SMIM35: variants seen among roughly 807,000 people sequenced by gnomAD.
SMIM35 encodes the protein TMPRSS4 antisense RNA 1 (non-protein coding).
At chr11:118,037,228 C>T (rs1166022216) in intron 1 of SMIM35, among the ~76,000 whole-genome samples, 1 of 152,196 alleles carries the variant, frequency 6.6e-6, no homozygotes, top group Non-Finnish European at 1.5e-5. Context: ...CAGGAGGATG[C>T]CTTCGATGTC....
intron 1 of SMIM35, among the ~76,000 whole-genome samples, chr11:118,016,207 C>T (rs986846900): frequency 2.0e-5 from 3 of 152,108 alleles, no homozygotes; most frequent in African/African-American, 7.2e-5. Flanking sequence ...GACCCTCAGT[C>T]CCCCCACCCC....
intron 1 of SMIM35, among the ~76,000 whole-genome samples, chr11:118,052,347 C>CG (rs1329121176): frequency 6.6e-6 from 1 of 151,970 alleles, no homozygotes; most frequent in African/African-American, 2.4e-5. Context: ...TTGCTGCAAG[C>CG]GGGGAGCTGC....
chr11:118,031,459 T>C (rs924228263), intron 1 of SMIM35, among the ~76,000 whole-genome samples: 4 of 152,044 alleles, frequency 2.6e-5, no homozygotes, highest in East Asian at 1.9e-4. Context: ...TAAAATACAA[T>C]AGGAGCATGT....
At chr11:118,036,863 G>T (rs1290297769) in intron 1 of SMIM35, among the ~76,000 whole-genome samples, 2 of 152,222 alleles carry the variant, frequency 1.3e-5, no homozygotes, top group Non-Finnish European at 2.9e-5. Flanking sequence ...AGCCATTGCT[G>T]GCTCGAATGC....
chr11:118,012,276 C>T (rs1305987867), intron 4 of SMIM35, among the ~76,000 whole-genome samples: 1 of 152,196 alleles, frequency 6.6e-6, no homozygotes, highest in Non-Finnish European at 1.5e-5. Context: ...AACAAGTCTG[C>T]ACTAAGCACC....
At chr11:118,048,447 A>T (rs1003625194) in intron 1 of SMIM35, among the ~76,000 whole-genome samples, 1 of 151,994 alleles carries the variant, frequency 6.6e-6, no homozygotes, top group Non-Finnish European at 1.5e-5. Context: ...TGGGCAGTGG[A>T]AGTTGCAGCG....
At chr11:118,040,872 A>G (rs2135078599) in intron 1 of SMIM35, among the ~76,000 whole-genome samples, 1 of 152,216 alleles carries the variant, frequency 6.6e-6, no homozygotes, top group African/African-American at 2.4e-5. Context: ...TGTAGTTGAT[A>G]AACTAATAAT....
intron 1 of SMIM35, among the ~76,000 whole-genome samples, chr11:118,040,246 C>T (rs1201738863): frequency 6.6e-6 from 1 of 151,970 alleles, no homozygotes; most frequent in Non-Finnish European, 1.5e-5. Flanking sequence ...CCTCCACATC[C>T]AGAAGCTAAA....
intron 1 of SMIM35, among the ~76,000 whole-genome samples, chr11:118,074,568 G>A (rs1298891039): frequency 6.6e-6 from 1 of 151,920 alleles, no homozygotes; most frequent in Non-Finnish European, 1.5e-5. Flanking sequence ...TCAACATGGT[G>A]AAACCCTGTA....
chr11:118,050,181 G>T (rs1565391972), intron 1 of SMIM35, among the ~76,000 whole-genome samples: 1 of 152,246 alleles, frequency 6.6e-6, no homozygotes, highest in African/African-American at 2.4e-5. Flanking sequence ...GAAGAGGCTG[G>T]TGAGTGATGT....
rs543636214 is a variant in SMIM35, at chr11:118,053,776, A to G, written c.7+32975T>C. On this transcript the variant is annotated intron_variant, in intron 1 of 4. Transcript: ENST00000689828. ...GAGAACTCATCTCATTCAAGGTCCCAAAGACCCCCACCCCAGCCCCTGTTC... is the reference window on the plus strand; with the variant it reads ...GAGAACTCATCTCATTCAAGGTCCCGAAGACCCCCACCCCAGCCCCTGTTC... Among the ~76,000 whole-genome samples, 26 of 152,326 alleles carry G rather than the reference A, an allele frequency of 1.7e-4. 1 individual carries two copies. In the South Asian group the frequency reaches 4.6e-3, roughly 27 times the overall value.
chr11:118,078,397 C>A (rs1042942596), intron 1 of SMIM35, among the ~76,000 whole-genome samples: 1 of 152,038 alleles, frequency 6.6e-6, no homozygotes, highest in African/African-American at 2.4e-5. Flanking sequence ...TGCAGGGGCC[C>A]CTCGAGTGAT....
At chr11:118,025,274 G>C (rs2058265717) in intron 1 of SMIM35, 1 of 322,494 alleles carries the variant, frequency 3.1e-6, no homozygotes, top group African/African-American at 2.2e-5. Flanking sequence ...TTTTCTTTTG[G>C]GTATATACCC....
intron 1 of SMIM35, among the ~76,000 whole-genome samples, chr11:118,083,952 C>T (rs375113012): frequency 2.0e-5 from 3 of 152,096 alleles, no homozygotes; most frequent in Non-Finnish European, 4.4e-5. Context: ...CCAGGAGAAT[C>T]GCTTTTACCT....
intron 1 of SMIM35, among the ~76,000 whole-genome samples, chr11:118,064,013 T>G (rs182447312): frequency 2.6e-5 from 4 of 152,318 alleles, no homozygotes; most frequent in Admixed American, 6.5e-5. Flanking sequence ...GGCCTAGATT[T>G]GTAACTGGTG....
At chr11:118,042,282 C>T (rs1470132616) in intron 1 of SMIM35, among the ~76,000 whole-genome samples, 2 of 151,676 alleles carry the variant, frequency 1.3e-5, no homozygotes, top group Non-Finnish European at 2.9e-5. Context: ...AAAGAGGGGA[C>T]ATTGTTGTCA....
At chr11:118,066,081 C>T (rs868419531) in intron 1 of SMIM35, among the ~76,000 whole-genome samples, 9 of 152,086 alleles carry the variant, frequency 5.9e-5, no homozygotes, top group Non-Finnish European at 8.8e-5. Flanking sequence ...CCCGGACGTA[C>T]GACCTCCACC....
intron 1 of SMIM35, among the ~76,000 whole-genome samples, chr11:118,063,731 C>G (rs1944427657): frequency 6.6e-6 from 1 of 152,174 alleles, no homozygotes; most frequent in Non-Finnish European, 1.5e-5. Flanking sequence ...ATTAATCATG[C>G]TTATGTAACG....
At chr11:118,020,879 G>C (rs1002085528) in intron 1 of SMIM35, among the ~76,000 whole-genome samples, 15 of 152,058 alleles carry the variant, frequency 9.9e-5, no homozygotes, top group African/African-American at 3.4e-4. Flanking sequence ...TGTATTTGAT[G>C]CTCTAAATTT....
Sources: allele counts gnomAD v4.1 joint callset (sites outside exome capture counted in the v4.1 genomes callset), GRCh38; gene constraint gnomAD v4.1.1; transcripts MANE v1.5; gene names NCBI Gene and HGNC (gene_info 2026-07-23, HGNC 2026-07-21).